SPTBN1: variants seen among roughly 807,000 people sequenced by gnomAD.
SPTBN1 encodes the protein spectrin beta, non-erythrocytic 1, also known as spectrin beta chain, non-erythrocytic 1.
SPTBN1 carries 32 observed loss-of-function variants against 266.4 expected under a neutral mutation model. The ratio of observed to expected loss-of-function variants is 0.12; its 90% CI spans 0.09 to 0.16. The LOEUF is 0.16. Among genes scored for constraint, SPTBN1 ranks in the 10% least tolerant of loss-of-function variants. The pLI, the probability that SPTBN1 is intolerant of heterozygous loss-of-function variation, is 1.00. For missense variants in SPTBN1, 2,296 were observed against 3,067.1 expected (o/e 0.75, Z 5.94); for synonymous variants, 1,336 against 1,162.2 (o/e 1.15, Z -3.04).
chr2:54,498,950 G>A (rs569241882), intron 1 of SPTBN1, among the ~76,000 whole-genome samples: 1 of 129,218 alleles, frequency 7.7e-6, no homozygotes, highest in Non-Finnish European at 1.6e-5. Context: ...GTAGGGTAAA[G>A]GTGTAGATGT....
chr2:54,469,548 G>A (rs1247892144), intron 1 of SPTBN1, among the ~76,000 whole-genome samples: 1 of 152,188 alleles, frequency 6.6e-6, no homozygotes, highest in African/African-American at 2.4e-5. Context: ...ATGCTTGATG[G>A]TTACTGTGCC....
chr2:54,612,096 G>A (rs1450752714), intron 3 of SPTBN1, 65 bp from the exon 4 acceptor site: 5 of 1,465,452 alleles, frequency 3.4e-6, no homozygotes, highest in Non-Finnish European at 4.6e-6. Context: ...TGACTAGGCA[G>A]TAACTCGGGG....
intron 1 of SPTBN1, among the ~76,000 whole-genome samples, chr2:54,500,704 G>A (rs994148916): frequency 6.6e-5 from 10 of 151,972 alleles, no homozygotes; most frequent in East Asian, 1.9e-4. Context: ...ATGCCACCAC[G>A]CCTAGCTAAT....
chr2:54,490,649 T>G (rs1265804929), intron 1 of SPTBN1, among the ~76,000 whole-genome samples: 3 of 152,168 alleles, frequency 2.0e-5, no homozygotes, highest in East Asian at 3.9e-4. Context: ...GATAACCACC[T>G]TAGTAGCAAA....
intron 3 of SPTBN1, among the ~76,000 whole-genome samples, chr2:54,601,365 C>T (rs184100185): frequency 1.3e-5 from 2 of 152,268 alleles, no homozygotes; most frequent in African/African-American, 2.4e-5. Flanking sequence ...TCTTTGGCCT[C>T]GTAGTCTGTT....
intron 1 of SPTBN1, among the ~76,000 whole-genome samples, chr2:54,458,021 G>T (rs1249014234): frequency 1.3e-5 from 2 of 152,262 alleles, no homozygotes; most frequent in Non-Finnish European, 2.9e-5. Context: ...CAATGTTGCA[G>T]TGTGGGGAGT....
In SPTBN1 at chr2:54,628,262, C is replaced by A; in HGVS notation, c.1798+12C>A. Reference sequence around the variant, plus strand: ...AACAGACGGGGAAGGTAAGGATGGCCCATTCCAAGCATTACCTCCGGGTCA... The same window carrying A: ...AACAGACGGGGAAGGTAAGGATGGCACATTCCAAGCATTACCTCCGGGTCA... On this transcript the variant is annotated intron_variant, in intron 13 of 35. Coordinates refer to ENST00000356805, the MANE Select transcript of SPTBN1 (RefSeq NM_003128.3). This position sits in a 1 kb window ranked among gnomAD's most constrained non-coding sequence, Gnocchi z 4.3. 6.2e-7 allele frequency: 1 copy of A among 1,604,572 alleles called. No homozygotes were observed. The highest frequency in any genetic ancestry group is 8.5e-7 in the Non-Finnish European group (1 of 1,175,868).
At chr2:54,459,426 T>C (rs1693240973) in intron 1 of SPTBN1, among the ~76,000 whole-genome samples, 1 of 152,218 alleles carries the variant, frequency 6.6e-6, no homozygotes, top group Non-Finnish European at 1.5e-5. Context: ...GAGTGGTTGC[T>C]TTGTCTTGAT....
intron 7 of SPTBN1, among the ~76,000 whole-genome samples, chr2:54,618,675 G>A (rs554860970): frequency 2.2e-4 from 33 of 152,224 alleles, no homozygotes; most frequent in Non-Finnish European, 4.4e-4. Flanking sequence ...TTATCTGAAG[G>A]TGGCAAGCAG....
rs574509998 is a variant in SPTBN1, at chr2:54,490,858, A to T, written c.-48+34340A>T. ...GCAGAAAGCCAGGGAGAGAGAAAAC[A>T]GTGTGTTTTGAGGACCTCTTCTGCT... On this transcript the variant is annotated intron_variant, in intron 1 of 35. Transcript: ENST00000356805. Among the ~76,000 whole-genome samples the T allele has an allele frequency of 3.9e-5, 6 of 152,298 alleles. No individual in the cohort carries two copies. In the East Asian group the frequency reaches 5.8e-4, roughly 15 times the overall value.
chr2:54,477,418 T>A (rs1347214979), intron 1 of SPTBN1, among the ~76,000 whole-genome samples: 1 of 151,670 alleles, frequency 6.6e-6, no homozygotes, highest in African/African-American at 2.4e-5. Flanking sequence ...TTTTTTTTAA[T>A]TAATTAATTC....
chr2:54,557,029 T>G (rs772988336), intron 2 of SPTBN1, among the ~76,000 whole-genome samples: 3 of 152,218 alleles, frequency 2.0e-5, no homozygotes, highest in Non-Finnish European at 4.4e-5. Flanking sequence ...TTAAAAAATG[T>G]TCTACATCTT....
chr2:54,519,822 A>G lies in SPTBN1; in HGVS notation c.-47-6550A>G, dbSNP rs1268369819. On this transcript the variant is annotated intron_variant, in intron 1 of 35. Transcript: ENST00000356805. ...AAACTCCTGCTGGAACTAACTCATG[A>G]GATTTTCAGGAGGTACGAGTTACCT... is the stretch of plus-strand genomic sequence containing the variant. Among the ~76,000 whole-genome samples, 3 of 152,134 alleles carry G rather than the reference A, an allele frequency of 2.0e-5. No individual in the cohort carries two copies. The East Asian group carries it at 5.8e-4, about 29-fold the overall frequency.
chr2:54,640,225 A>G (rs527691789), intron 18 of SPTBN1, among the ~76,000 whole-genome samples: 1 of 152,080 alleles, frequency 6.6e-6, no homozygotes, highest in East Asian at 1.9e-4. Context: ...TTGATAATCT[A>G]CCTGTCATTC....
chr2:54,612,110 A>T, intron 3 of SPTBN1, 51 bp from the exon 4 acceptor site: 1 of 1,506,480 alleles, frequency 6.6e-7, no homozygotes, highest in East Asian at 2.3e-5. Context: ...CTCGGGGTTC[A>T]TCTCTACTCT....
At chr2:54,485,559 C>A (rs549538881) in intron 1 of SPTBN1, among the ~76,000 whole-genome samples, 1 of 151,984 alleles carries the variant, frequency 6.6e-6, no homozygotes, top group African/African-American at 2.4e-5. Context: ...ACCTCCCAGC[C>A]GCCTGCCTTG....
intron 17 of SPTBN1, among the ~76,000 whole-genome samples, chr2:54,637,162 C>T (rs1285901283): frequency 6.6e-6 from 1 of 152,024 alleles, no homozygotes; most frequent in Non-Finnish European, 1.5e-5. Flanking sequence ...TTTAGTTACC[C>T]TTATCAATTG....
At position 54,643,016 on chromosome 2, in the gene SPTBN1, G is replaced by T; in HGVS notation, c.3892G>T (p.Ala1298Ser). ...CTGGATCAATGAGAAGATGCTCACA[G>T]CCCAGGACATGTCTTACGATGAAGC... Reference protein sequence around the residue: ...SLWINEKMLTAQDMSYDEARN... With the variant: ...SLWINEKMLTSQDMSYDEARN... Residue 1298 changes from alanine to serine, a missense_variant, in exon 19 of 36, where the codon GCC becomes TCC. Ala to Ser is a moderately conservative substitution (Grantham distance 99). Coordinates refer to ENST00000356805, the MANE Select transcript of SPTBN1 (RefSeq NM_003128.3). 2 of 1,614,000 alleles carry T rather than the reference G, an allele frequency of 1.2e-6. No individual in the cohort carries two copies. The highest frequency in any genetic ancestry group is 1.7e-6 in the Non-Finnish European group (2 of 1,179,914).
intron 8 of SPTBN1, 77 bp from the exon 9 acceptor site, chr2:54,622,223 C>T: frequency 2.0e-6 from 3 of 1,470,614 alleles, no homozygotes; most frequent in Non-Finnish European, 2.8e-6. Flanking sequence ...TGTGTGCATG[C>T]ACTCGTATAG....
Sources: gnomAD v4.1 joint callset for allele counts (sites outside exome capture counted in the v4.1 genomes callset) on GRCh38, gnomAD v4.1.1 for gene constraint, Gnocchi (gnomAD v3.1) non-coding constraint, MANE v1.5 for transcripts, NCBI Gene and HGNC (gene_info 2026-07-23, HGNC 2026-07-21) for gene names.